Variants in TAF1 observed in about 807,000 individuals in gnomAD.
TAF1 encodes transcription initiation factor TFIID subunit 1.
In TAF1, 2 loss-of-function variants were observed where a neutral mutation model predicts 138.5. That is an observed-to-expected ratio of 0.01 (90% CI 0.01 to 0.05). The LOEUF (loss-of-function observed/expected upper bound fraction) is 0.05. Ranked by LOEUF, TAF1 falls within the 10% of genes least tolerant of loss-of-function variation. TAF1 has a pLI of 1.00. For missense variants in TAF1, 709 were observed against 1,478.0 expected (o/e 0.48, Z 8.53); for synonymous variants, 437 against 503.2 (o/e 0.87, Z 1.76).
intron 13 of TAF1, among the ~76,000 whole-genome samples, chrX:71,499,701 G>A (rs999690668): frequency 4.5e-5 from 5 of 111,465 alleles, no homozygotes; most frequent in African/African-American, 1.6e-4. Flanking sequence ...TACTGGGGAC[G>A]GCTTGCTGAC....
Position 71,528,014 on chromosome X carries a change from A to C in TAF1, c.1367-528A>C, listed in dbSNP as rs368095620. 10 of 172,542 alleles carry C rather than the reference A, an allele frequency of 5.8e-5. No individual in the cohort carries two copies. The East Asian group carries it at 9.0e-4, about 16-fold the overall frequency. 14.2% of individuals were successfully genotyped at this position (172,542 alleles called of 1,213,427 possible). On this transcript the variant is annotated intron_variant and NMD_transcript_variant, in intron 13 of 14. Coordinates refer to the TAF1 transcript ENST00000373775. ...GTAACCGAGACCTTCAATAAGAAAAAACTCTATTTTCCAGAGTCCCTGGTT... is the reference window on the plus strand; with the variant it reads ...GTAACCGAGACCTTCAATAAGAAAACACTCTATTTTCCAGAGTCCCTGGTT...
chrX:71,426,580 T>TG (rs1167526653), intron 32 of TAF1, among the ~76,000 whole-genome samples: 1 of 110,495 alleles, frequency 9.1e-6, no homozygotes, highest in Non-Finnish European at 1.9e-5. Context: ...CTGGGCATGG[T>TG]GGTGCATGCC....
chrX:71,469,664 G>A (rs898256697), downstream of TAF1, among the ~76,000 whole-genome samples: 14 of 109,795 alleles, frequency 1.3e-4, no homozygotes, highest in African/African-American at 3.3e-4. Flanking sequence ...AAGTGTCTCC[G>A]GAACAAATAC....
chrX:71,382,059 G>A, intron 9 of TAF1, 140 bp downstream of exon 9: 2 of 705,562 alleles, frequency 2.8e-6, no homozygotes, highest in South Asian at 4.9e-5. Context: ...CGAAGTTTTG[G>A]CTGTTAGTTT....
intron 13 of TAF1, among the ~76,000 whole-genome samples, chrX:71,493,604 G>A (rs1030968953): frequency 5.3e-5 from 6 of 112,654 alleles, no homozygotes; most frequent in Non-Finnish European, 1.1e-4. Context: ...GTTACTTGTG[G>A]AAGTGCTTTT....
intron 13 of TAF1, among the ~76,000 whole-genome samples, chrX:71,493,751 G>A (rs746744132): frequency 1.9e-4 from 21 of 111,834 alleles, no homozygotes; most frequent in Admixed American, 6.6e-4. Flanking sequence ...AGGAGGCAGA[G>A]GTGGGAGGAT....
rs749279737 is a variant in TAF1, at chrX:71,457,210, C to CT, written c.4939-1025dup. Among the ~76,000 whole-genome samples the CT allele has an allele frequency of 2.7e-5, 3 of 111,676 alleles. No homozygotes were observed. In the East Asian group the frequency reaches 8.4e-4, roughly 31 times the overall value. On this transcript the variant is annotated intron_variant, in intron 34 of 37. Transcript: ENST00000423759. ...CCCTCTTCTGAATCAGTTTTGTTTC[C>CT]TTTTTTAAAAAACACAATGTAACAC... is the stretch of plus-strand genomic sequence containing the variant.
intron 13 of TAF1, among the ~76,000 whole-genome samples, chrX:71,486,410 G>A (rs1375071816): frequency 9.1e-6 from 1 of 109,866 alleles, no homozygotes; most frequent in Non-Finnish European, 1.9e-5. Flanking sequence ...CCACGCTGGG[G>A]TGCAGTGGCC....
chrX:71,405,764 T>C (rs2035434208), intron 25 of TAF1, among the ~76,000 whole-genome samples: 1 of 112,018 alleles, frequency 8.9e-6, no homozygotes, highest in Admixed American at 9.6e-5. Flanking sequence ...CCCAGCACTT[T>C]GGGAGGCTGA....
Position 71,528,786 on chromosome X carries a change from A to G in TAF1, c.*174+61A>G. ...CAAAGAGTGAGCGGCAGCAAGATTT[A>G]TTGTGAAGAGCAAAAGAACAAAGCT... On this transcript the variant is annotated intron_variant and NMD_transcript_variant, in intron 14 of 14. Coordinates refer to the TAF1 transcript ENST00000373775. 1.4e-5 allele frequency: 4 copies of G among 279,758 alleles called. No homozygotes were observed. The Admixed American group carries it at 1.6e-4, about 11-fold the overall frequency. The allele number at this position is 279,758 out of a possible 1,213,427, so 23.1% of individuals were successfully genotyped here. A position where few individuals can be genotyped will look rare whatever the true frequency, so the allele number is the denominator to read the frequency against.
intron 13 of TAF1, among the ~76,000 whole-genome samples, chrX:71,523,927 C>T (rs1047510065): frequency 4.6e-5 from 5 of 109,546 alleles, no homozygotes; most frequent in Admixed American, 2.0e-4. Context: ...ACCCTAGATA[C>T]ATTTTAAATT....
At chrX:71,441,996 C>T (rs979567108) in intron 32 of TAF1, among the ~76,000 whole-genome samples, 3 of 111,062 alleles carry the variant, frequency 2.7e-5, no homozygotes, top group African/African-American at 6.6e-5. Flanking sequence ...AGGACATGAA[C>T]TCATCCTTTT....
In TAF1 at chrX:71,389,566, T is replaced by C. The variant is rs367703598; in HGVS notation, c.2701-19T>C. ...GTTTTTTAACTGACTGATTTATGCA[T>C]GGATCTGTCCTCTTCCAGGATGCTG... On this transcript the variant is annotated intron_variant, in intron 17 of 37. Coordinates refer to ENST00000423759, the MANE Select transcript of TAF1 (RefSeq NM_004606.5). The C allele has an allele frequency of 8.5e-7, 1 of 1,182,150 alleles. No individual in the cohort carries two copies. The highest frequency in any genetic ancestry group is 1.8e-5 in the African/African-American group (1 of 55,688).
chrX:71,453,108 G>A (rs2038115323), intron 32 of TAF1, among the ~76,000 whole-genome samples: 1 of 109,377 alleles, frequency 9.1e-6, no homozygotes, highest in Admixed American at 9.7e-5. Context: ...AGAGGAGGGA[G>A]AGGGAGAGGG....
chrX:71,397,174 T>C, intron 22 of TAF1, 79 bp from the exon 23 acceptor site: 2 of 1,036,781 alleles, frequency 1.9e-6, no homozygotes, highest in Non-Finnish European at 2.6e-6. Flanking sequence ...TGAACTTTGA[T>C]AGCTCCACTC....
Position 71,504,839 on chromosome X carries a change from T to C in TAF1, c.1367-23703T>C, listed in dbSNP as rs1602871549. Among the ~76,000 whole-genome samples, 4 of 91,247 alleles carry C rather than the reference T, an allele frequency of 4.4e-5. No individual in the cohort carries two copies. In the South Asian group the frequency reaches 2.0e-3, roughly 45 times the overall value. 79.2% of individuals were successfully genotyped at this position (91,247 alleles called of 115,157 possible). Reference sequence around the variant, plus strand: ...AAATGAAGGTGGGCAAAGTCTAAAATATCTATGAGGCTGGGCACGGTGGCT... The same window carrying C: ...AAATGAAGGTGGGCAAAGTCTAAAACATCTATGAGGCTGGGCACGGTGGCT... On this transcript the variant is annotated intron_variant and NMD_transcript_variant, in intron 13 of 14. Coordinates refer to the TAF1 transcript ENST00000373775.
Position 71,465,217 on chromosome X carries a change from C to T in TAF1, c.*1171C>T, listed in dbSNP as rs2038714199. On this transcript the variant is annotated 3_prime_UTR_variant, in exon 38 of 38. Transcript: ENST00000423759. ...AATCCCTTTTACCCAAAGAGCTCAC[C>T]ATCAAGTTGGGGGAGGGAAAGTGGA... The T allele has an allele frequency of 9.0e-6, 1 of 111,729 alleles. No homozygotes were observed. The highest frequency in any genetic ancestry group is 3.2e-5 in the African/African-American group (1 of 30,781). 9.2% of individuals were successfully genotyped at this position (111,729 alleles called of 1,213,427 possible).
chrX:71,462,643 A>T (rs778884945), intron 37 of TAF1, among the ~76,000 whole-genome samples: 1 of 111,366 alleles, frequency 9.0e-6, no homozygotes, highest in African/African-American at 3.3e-5. Flanking sequence ...ACGAAGTGCA[A>T]TTTTTTTACC....
chrX:71,383,192 G>T (rs1277826906), intron 12 of TAF1, 28 bp downstream of exon 12: 1 of 1,187,405 alleles, frequency 8.4e-7, no homozygotes, highest in Non-Finnish European at 1.1e-6. Context: ...TTAGAAAACA[G>T]CTATAAAGGA....
Sources: gnomAD v4.1 joint callset for allele counts (sites outside exome capture counted in the v4.1 genomes callset) on GRCh38, gnomAD v4.1.1 for gene constraint, MANE v1.5 for transcripts, NCBI Gene and HGNC (gene_info 2026-07-23, HGNC 2026-07-21) for gene names.